CNTNAP5: variants seen among roughly 807,000 people sequenced by gnomAD.
CNTNAP5 encodes contactin associated protein family member 5.
In CNTNAP5, 72 loss-of-function variants were observed where a neutral mutation model predicts 150.2. That is an observed-to-expected ratio of 0.48 (90% CI 0.40 to 0.58). The LOEUF (loss-of-function observed/expected upper bound fraction) is 0.58, where lower values mean the gene tolerates loss of function less well. Ranked by LOEUF, CNTNAP5 falls within the 20% of genes least tolerant of loss-of-function variation. The probability of loss-of-function intolerance (pLI) is 0.00; values close to 1 mark genes in which losing one functional copy is unlikely to be tolerated. For missense variants in CNTNAP5, 1,636 were observed against 1,626.2 expected (o/e 1.01, Z -0.10); for synonymous variants, 672 against 619.8 (o/e 1.08, Z -1.25).
chr2:124,547,553 G>T (rs1284024153), intron 10 of CNTNAP5, among the ~76,000 whole-genome samples: 1 of 152,100 alleles, frequency 6.6e-6, no homozygotes, highest in South Asian at 2.1e-4. Flanking sequence ...TTTGATCAAG[G>T]GGCTCCTGTT....
At chr2:124,887,207 A>G (rs1005321067) in intron 21 of CNTNAP5, among the ~76,000 whole-genome samples, 13 of 151,980 alleles carry the variant, frequency 8.6e-5, no homozygotes, top group Non-Finnish European at 1.9e-4. Context: ...TGCCCCTCCT[A>G]AAGTGTGGTC....
intron 12 of CNTNAP5, among the ~76,000 whole-genome samples, chr2:124,642,667 A>G (rs1678118293): frequency 6.6e-6 from 1 of 152,166 alleles, no homozygotes; most frequent in Admixed American, 6.5e-5. Flanking sequence ...AGTATTTATA[A>G]CAGCCTCAGA....
At chr2:124,558,059 G>A (rs756018388) in intron 10 of CNTNAP5, among the ~76,000 whole-genome samples, 3 of 152,240 alleles carry the variant, frequency 2.0e-5, no homozygotes, top group South Asian at 4.2e-4. Flanking sequence ...CAGAGGAGAC[G>A]CGTTTAAAAT....
At chr2:124,647,680 G>T in intron 12 of CNTNAP5, 78 bp from the exon 13 acceptor site, 1 of 1,312,708 alleles carries the variant, frequency 7.6e-7, no homozygotes, top group East Asian at 2.5e-5. Context: ...ACGCTGAGTG[G>T]CCCATCACAC....
chr2:124,623,741 A>G (rs1042034923), intron 12 of CNTNAP5, among the ~76,000 whole-genome samples: 1 of 152,154 alleles, frequency 6.6e-6, no homozygotes, highest in Admixed American at 6.5e-5. Flanking sequence ...GGTTTAGTTC[A>G]TCCTAGGGAG....
intron 1 of CNTNAP5, among the ~76,000 whole-genome samples, chr2:124,067,742 G>T (rs1682197020): frequency 6.6e-6 from 1 of 152,132 alleles, no homozygotes; most frequent in South Asian, 2.1e-4. Flanking sequence ...CTTGAGAAAA[G>T]TGGGAATGGA....
chr2:124,433,611 A>C (rs2104793842), intron 4 of CNTNAP5, among the ~76,000 whole-genome samples: 1 of 152,280 alleles, frequency 6.6e-6, no homozygotes, highest in Middle Eastern at 3.4e-3. Flanking sequence ...CATGGTATAT[A>C]ATGAATCAGT....
chr2:124,706,795 A>AAGAAGAAGAAGAAGAAGAAGAAGG (rs1553433527), intron 13 of CNTNAP5, among the ~76,000 whole-genome samples: 1 of 18,876 alleles, frequency 5.3e-5, no homozygotes, highest in African/African-American at 2.0e-4. Flanking sequence ...GAAGAAGAAG[A>AAGAAGAAGAAGAAGAAGAAGAAGG]AGGAGGAGGA....
In CNTNAP5 at chr2:124,632,248, C is replaced by T. The variant is rs13391081; in HGVS notation, c.1877-15510C>T. Among the ~76,000 whole-genome samples the T allele has an allele frequency of 1.7e-3, 264 of 152,148 alleles. 2 individuals are homozygous for T. The highest frequency in any genetic ancestry group is 5.8e-3 in the African/African-American group (241 of 41,506). Reference sequence around the variant, plus strand: ...AATTATTCTATTATAAAGTTACATGCGTGCATATGTTCAATGCAGCACTAT... The same window carrying T: ...AATTATTCTATTATAAAGTTACATGTGTGCATATGTTCAATGCAGCACTAT... On this transcript the variant is annotated intron_variant, in intron 12 of 23. Transcript: ENST00000682447.
At chr2:124,752,474 A>G (rs1680748305) in intron 14 of CNTNAP5, among the ~76,000 whole-genome samples, 1 of 152,106 alleles carries the variant, frequency 6.6e-6, no homozygotes, top group African/African-American at 2.4e-5. Context: ...CACAAGGTTG[A>G]GGTGGGTGGG....
intron 3 of CNTNAP5, among the ~76,000 whole-genome samples, chr2:124,356,367 T>G (rs986063974): frequency 6.6e-6 from 1 of 151,428 alleles, no homozygotes; most frequent in Admixed American, 6.6e-5. Context: ...GCAGGTTAGT[T>G]ACATATGTAT....
intron 19 of CNTNAP5, among the ~76,000 whole-genome samples, chr2:124,822,200 A>G (rs1682506347): frequency 6.6e-6 from 1 of 152,100 alleles, no homozygotes. Context: ...CCTGGCCAAT[A>G]TTAGAACCTT....
intron 7 of CNTNAP5, among the ~76,000 whole-genome samples, chr2:124,488,279 T>C (rs1203740963): frequency 6.6e-6 from 1 of 152,186 alleles, no homozygotes; most frequent in Non-Finnish European, 1.5e-5. Context: ...GCCATGAAAA[T>C]AACGTGTTGA....
intron 1 of CNTNAP5, among the ~76,000 whole-genome samples, chr2:124,073,785 TAAA>T (rs778061679): frequency 1.3e-5 from 2 of 152,024 alleles, no homozygotes; most frequent in Admixed American, 1.3e-4. Flanking sequence ...TGAAGGTTCT[TAAA>T]AAAACTAAAA....
At chr2:124,491,444 C>T (rs1308867734) in intron 7 of CNTNAP5, among the ~76,000 whole-genome samples, 1 of 48,844 alleles carries the variant, frequency 2.0e-5, no homozygotes, top group Non-Finnish European at 4.4e-5. Flanking sequence ...TATATATACA[C>T]ACACATATGG....
intron 12 of CNTNAP5, among the ~76,000 whole-genome samples, chr2:124,622,795 G>T (rs1012515489): frequency 6.6e-6 from 1 of 152,084 alleles, no homozygotes; most frequent in African/African-American, 2.4e-5. Context: ...AGCAAGCTGA[G>T]TTCAAGTTCT....
chr2:124,554,476 A>G (rs1477348511), intron 10 of CNTNAP5, among the ~76,000 whole-genome samples: 4 of 137,850 alleles, frequency 2.9e-5, no homozygotes, highest in East Asian at 4.4e-4. Context: ...ACTGGAGTGT[A>G]GTGGTGAGGT....
chr2:124,119,134 C>G (rs187612303), intron 1 of CNTNAP5, among the ~76,000 whole-genome samples: 3 of 152,216 alleles, frequency 2.0e-5, no homozygotes, highest in Admixed American at 2.0e-4. Flanking sequence ...ATTTCTGTGT[C>G]AGTTCTAATG....
At chr2:124,588,151 C>CTT (rs59702404) in intron 11 of CNTNAP5, among the ~76,000 whole-genome samples, 22,107 of 97,120 alleles carry the variant, frequency 0.23, 4,865 homozygotes, top group South Asian at 0.34. Context: ...TCCTTCCTTC[C>CTT]TTCCTTTTCC....
Sources: gnomAD v4.1 joint callset for allele counts (sites outside exome capture counted in the v4.1 genomes callset) on GRCh38, gnomAD v4.1.1 for gene constraint, MANE v1.5 for transcripts, NCBI Gene and HGNC (gene_info 2026-07-23, HGNC 2026-07-21) for gene names.